The following NR3C1 variants were observed in gnomAD, a reference collection of about 807,000 sequenced individuals.
The protein encoded by NR3C1 is nuclear receptor subfamily 3 group C member 1, also known as glucocorticoid receptor.
NR3C1 carries 14 observed loss-of-function variants against 74.0 expected under a neutral mutation model. The ratio of observed to expected loss-of-function variants is 0.19; its 90% CI spans 0.12 to 0.30. The LOEUF is 0.30. NR3C1 is among the 10% of genes least tolerant of loss of function. The pLI is 1.00. For missense variants in NR3C1, 695 were observed against 909.8 expected, an observed-to-expected ratio of 0.76 and a Z score of 3.04; for synonymous variants, 308 against 332.5, an observed-to-expected ratio of 0.93 and a Z score of 0.80.
chr5:143,377,776 C>A (rs934441893), intron 2 of NR3C1, among the ~76,000 whole-genome samples: 2 of 152,216 alleles, frequency 1.3e-5, no homozygotes, highest in South Asian at 2.1e-4. Flanking sequence ...CTCTTCTCTC[C>A]AAGTAACTGT....
At chr5:143,381,051 G>T (rs1308669492) in intron 2 of NR3C1, among the ~76,000 whole-genome samples, 1 of 151,976 alleles carries the variant, frequency 6.6e-6, no homozygotes, top group Non-Finnish European at 1.5e-5. Context: ...AAAGCCTAAA[G>T]ACTCCACCAA....
At chr5:143,290,900 T>C (rs750623775) in intron 7 of NR3C1, among the ~76,000 whole-genome samples, 8 of 152,296 alleles carry the variant, frequency 5.3e-5, no homozygotes, top group East Asian at 1.9e-4. Context: ...ACTGATGTGT[T>C]TGAATTTAGC....
chr5:143,395,954 A>ACAAGGTATATTT, intron 2 of NR3C1, among the ~76,000 whole-genome samples: 1 of 152,012 alleles, frequency 6.6e-6, no homozygotes, highest in Non-Finnish European at 1.5e-5. Flanking sequence ...CATTTAACCT[A>ACAAGGTATATTT]CATTTATGCA....
chr5:143,406,423 A>G (rs1201966924), upstream of NR3C1, among the ~76,000 whole-genome samples: 1 of 150,966 alleles, frequency 6.6e-6, no homozygotes, highest in Non-Finnish European at 1.5e-5. Context: ...AAAAAAAAAA[A>G]CTTATCCTAA....
chr5:143,314,095 G>A lies in NR3C1; in HGVS notation c.1258C>T (p.Leu420Phe), dbSNP rs899880904. ...GCTTCATCAGAGCACACCAGGCAGA[G>A]TTTGGGAGGTGGTCCTGTTGTTGCT... is the stretch of plus-strand genomic sequence containing the variant. Reference protein sequence around the residue: ...STATTGPPPKLCLVCSDEASG... With the variant: ...STATTGPPPKFCLVCSDEASG... The change falls in exon 3 of 9, where the codon CTC (leucine) becomes TTC (phenylalanine). Residue 420 changes from leucine to phenylalanine, a missense_variant. Transcript: ENST00000394464. The A allele has an allele frequency of 6.2e-7, 1 of 1,613,852 alleles. No individual in the cohort carries two copies. The highest frequency in any genetic ancestry group is 8.5e-7 in the Non-Finnish European group (1 of 1,179,754).
intron 1 of NR3C1, among the ~76,000 whole-genome samples, chr5:143,410,738 T>TA (rs1363382982): frequency 6.6e-6 from 1 of 152,188 alleles, no homozygotes; most frequent in Non-Finnish European, 1.5e-5. Context: ...TTGGAAAACT[T>TA]AGAGGAGCTT....
At chr5:143,402,478 TCTAAAAGGGGCC>T in intron 1 of NR3C1, 5 of 524,144 alleles carry the variant, frequency 9.5e-6, no homozygotes, top group Non-Finnish European at 1.2e-5. Flanking sequence ...GGGGTCTTTT[TCTAAAAGGGGCC>T]ACTTAGAAAC....
intron 7 of NR3C1, among the ~76,000 whole-genome samples, chr5:143,289,767 ATATTTTTAATCATCAG>A (rs1273333978): frequency 6.6e-6 from 1 of 152,246 alleles, no homozygotes; most frequent in Admixed American, 6.5e-5. Context: ...AAGATGCTTA[ATATTTTTAATCATCAG>A]TATACCTACG....
chr5:143,387,045 G>A (rs1455840373), intron 2 of NR3C1, among the ~76,000 whole-genome samples: 2 of 152,210 alleles, frequency 1.3e-5, no homozygotes, highest in Non-Finnish European at 2.9e-5. Flanking sequence ...AATTAAGAAG[G>A]GAGAGGAGAA....
intron 7 of NR3C1, among the ~76,000 whole-genome samples, chr5:143,284,471 A>G (rs1487887058): frequency 3.3e-5 from 4 of 121,056 alleles, no homozygotes; most frequent in African/African-American, 1.1e-4. Context: ...AATTTTACAC[A>G]TTACTATACT....
At chr5:143,369,553 T>C (rs1018208341) in intron 2 of NR3C1, among the ~76,000 whole-genome samples, 1 of 152,198 alleles carries the variant, frequency 6.6e-6, no homozygotes, top group South Asian at 2.1e-4. Flanking sequence ...TGCTACAATA[T>C]GGATGAACCT....
chr5:143,296,767 CAT>C (rs1817336785), intron 6 of NR3C1, among the ~76,000 whole-genome samples: 1 of 151,994 alleles, frequency 6.6e-6, no homozygotes, highest in Non-Finnish European at 1.5e-5. Context: ...AGTATGGAAA[CAT>C]AGTGGGCTAA....
chr5:143,327,453 C>T (rs1196167855), intron 2 of NR3C1, among the ~76,000 whole-genome samples: 1 of 152,202 alleles, frequency 6.6e-6, no homozygotes, highest in Non-Finnish European at 1.5e-5. Flanking sequence ...TGTCTTTTTA[C>T]ATTTTAAAAC....
chr5:143,305,464 G>T (rs1007224071), intron 4 of NR3C1, among the ~76,000 whole-genome samples: 7 of 152,120 alleles, frequency 4.6e-5, no homozygotes, highest in African/African-American at 1.7e-4. Flanking sequence ...CTGCAGCATG[G>T]TTTGCAATAG....
intron 7 of NR3C1, among the ~76,000 whole-genome samples, chr5:143,283,700 G>C (rs1212229404): frequency 6.6e-6 from 1 of 152,014 alleles, no homozygotes; most frequent in African/African-American, 2.4e-5. Context: ...AGTTTTGGGG[G>C]GATACATTAC....
chr5:143,352,057 A>C (rs1432918677), intron 2 of NR3C1, among the ~76,000 whole-genome samples: 1 of 152,212 alleles, frequency 6.6e-6, no homozygotes, highest in Non-Finnish European at 1.5e-5. Flanking sequence ...TAATCCCTTC[A>C]CAACATTCCT....
At chr5:143,356,698 A>AC (rs1831206199) in intron 2 of NR3C1, among the ~76,000 whole-genome samples, 1 of 151,750 alleles carries the variant, frequency 6.6e-6, no homozygotes, top group African/African-American at 2.4e-5. Context: ...CAAAAAAAAA[A>AC]ACACACGCAA....
upstream of NR3C1, chr5:143,403,709 A>C (rs1484496384): frequency 6.1e-6 from 6 of 985,084 alleles, no homozygotes; most frequent in African/African-American, 8.8e-5. Context: ...ACACACTCGC[A>C]CACACGCGCT....
chr5:143,359,129 G>A (rs1051772441), intron 2 of NR3C1, among the ~76,000 whole-genome samples: 1 of 152,144 alleles, frequency 6.6e-6, no homozygotes, highest in Non-Finnish European at 1.5e-5. Flanking sequence ...GATTTAAACA[G>A]TTTGAAAGCC....
Sources: allele counts gnomAD v4.1 joint callset (sites outside exome capture counted in the v4.1 genomes callset), GRCh38; gene constraint gnomAD v4.1.1; transcripts MANE v1.5; gene names NCBI Gene and HGNC (gene_info 2026-07-23, HGNC 2026-07-21).